The following OMA1 variants were observed in gnomAD, a reference collection of about 807,000 sequenced individuals.
OMA1 encodes the protein OMA1 zinc metallopeptidase, also known as metalloendopeptidase OMA1, mitochondrial.
Under a neutral mutation model 30.9 loss-of-function variants are expected in OMA1, and 38 were observed. The observed-to-expected ratio is 1.23, with a 90% CI of 0.95 to 1.61. The LOEUF is 1.61. Ranked by LOEUF, OMA1 falls within the 40% of genes most tolerant of loss-of-function variation. OMA1 has a pLI of 0.00. For synonymous variants in OMA1, 173 were observed against 121.9 expected (o/e 1.42, Z -2.76); for missense variants, 461 against 349.2 (o/e 1.32, Z -2.55).
At chr1:58,540,301 C>T (rs2100495537) in intron 1 of OMA1, among the ~76,000 whole-genome samples, 1 of 150,610 alleles carries the variant, frequency 6.6e-6, no homozygotes, top group African/African-American at 2.4e-5. Context: ...AAAATCTAAA[C>T]AGGTATTAGG....
chr1:58,531,512 T>C (rs1236680819), intron 5 of OMA1, among the ~76,000 whole-genome samples: 3 of 152,188 alleles, frequency 2.0e-5, no homozygotes, highest in Admixed American at 2.0e-4. Flanking sequence ...GATTAGTAAA[T>C]GTTAATGTTG....
At chr1:58,520,663 A>G (rs2100451335) in intron 7 of OMA1, among the ~76,000 whole-genome samples, 1 of 152,300 alleles carries the variant, frequency 6.6e-6, no homozygotes, top group Admixed American at 6.5e-5. Context: ...AGAAAGCTGA[A>G]ATAACAATAC....
chr1:58,500,925 CTCTT>C (rs1361143757), intron 8 of OMA1, among the ~76,000 whole-genome samples: 2 of 152,086 alleles, frequency 1.3e-5, no homozygotes, highest in Admixed American at 6.6e-5. Flanking sequence ...AATAAGGTGT[CTCTT>C]TCAACGACAA....
chr1:58,537,604 C>CAAA (rs977794543), intron 2 of OMA1, among the ~76,000 whole-genome samples: 7 of 152,120 alleles, frequency 4.6e-5, no homozygotes, highest in Non-Finnish European at 8.8e-5. Flanking sequence ...AATACTGGGA[C>CAAA]AAAAATTTTC....
chr1:58,539,104 A>T lies in OMA1; in HGVS notation c.191T>A (p.Leu64Gln), dbSNP rs1646563199. The T allele has an allele frequency of 1.1e-6, 1 of 872,988 alleles. No homozygotes were observed. Among genetic ancestry groups the T allele is most frequent in the South Asian group, 1.3e-5 (1 of 76,544 alleles). The allele number at this position is 872,988 out of a possible 1,614,324, so 54.1% of individuals were successfully genotyped here. The change falls in exon 2 of 9, where the codon CTG becomes CAG. Residue 64 changes from leucine to glutamine, a missense_variant. Transcript: ENST00000371226. Reference protein sequence around the residue: ...GVNQCDRWSFLPGNFHFYSTF... With the variant: ...GVNQCDRWSFQPGNFHFYSTF... The stretch of plus-strand genomic sequence containing the variant: ...ACTATAAAAATGAAAGTTTCCAGGC[A>T]GAAAACTCCACCTGTCACACTGATT...
chr1:58,505,077 C>G (rs949430751), intron 8 of OMA1, among the ~76,000 whole-genome samples: 1 of 152,112 alleles, frequency 6.6e-6, no homozygotes, highest in Non-Finnish European at 1.5e-5. Context: ...CTCAATCTCC[C>G]GAGTAGCTGG....
At chr1:58,494,327 C>T (rs1342987921) in intron 8 of OMA1, among the ~76,000 whole-genome samples, 3 of 151,966 alleles carry the variant, frequency 2.0e-5, no homozygotes, top group East Asian at 1.9e-4. Context: ...AGAAGAAAAC[C>T]TAGGCAATAC....
Position 58,480,907 on chromosome 1 carries a change from C to CTTTTT in OMA1, c.*57_*58insAAAAA. 1.4e-6 allele frequency: 1 copy of CTTTTT among 734,434 alleles called. No homozygotes were observed. The highest frequency in any genetic ancestry group is 2.6e-5 in the East Asian group (1 of 38,572). The allele number at this position is 734,434 out of a possible 1,614,324, so 45.5% of individuals were successfully genotyped here. A position where few individuals can be genotyped will look rare whatever the true frequency, so the allele number is the denominator to read the frequency against. On this transcript the variant is annotated 3_prime_UTR_variant, in exon 9 of 9. Coordinates refer to ENST00000371226, the MANE Select transcript of OMA1 (RefSeq NM_145243.5). ...TCAAACATCATTTTTTAAAAAGTAA[C>CTTTTT]ATAAAATGATAAGGACTGCAACATT...
rs17117608 is a variant in OMA1, at chr1:58,513,486, C to T, written c.1216-7277G>A. ...AACTTATTAAGCAACTGTAAGTACACGAAGAAAGAATTAGACTCTAGGTAA... is the reference window on the plus strand; with the variant it reads ...AACTTATTAAGCAACTGTAAGTACATGAAGAAAGAATTAGACTCTAGGTAA... On this transcript the variant is annotated intron_variant, in intron 7 of 8. Transcript: ENST00000371226. 7.8e-3 allele frequency among the ~76,000 whole-genome samples: 1,188 copies of T among 152,226 alleles called. 21 individuals are homozygous for T. Among genetic ancestry groups the T allele is most frequent in the African/African-American group, 0.027 (1,133 of 41,508 alleles).
chr1:58,521,014 T>C (rs1434707354), intron 7 of OMA1, among the ~76,000 whole-genome samples: 1 of 152,172 alleles, frequency 6.6e-6, no homozygotes, highest in Non-Finnish European at 1.5e-5. Context: ...CAAGTGCACG[T>C]CATTTTGACA....
chr1:58,481,204 C>CTA lies in OMA1; in HGVS notation c.1366-32_1366-31dup, dbSNP rs1358316200. ...AAAGAAATAATAAAATAAAAAAATACTATATATATACATCAATGTATTCAG... is the reference window on the plus strand; with the variant it reads ...AAAGAAATAATAAAATAAAAAAATACTATATATATATACATCAATGTATTCAG... On this transcript the variant is annotated intron_variant, in intron 8 of 8. Transcript: ENST00000371226. The CTA allele has an allele frequency of 8.4e-6, 6 of 715,160 alleles. No individual in the cohort carries two copies. The East Asian group carries it at 1.4e-4, about 17-fold the overall frequency. 44.3% of individuals were successfully genotyped at this position (715,160 alleles called of 1,614,324 possible).
At chr1:58,512,691 T>C (rs1333017190) in intron 7 of OMA1, among the ~76,000 whole-genome samples, 1 of 152,196 alleles carries the variant, frequency 6.6e-6, no homozygotes, top group Non-Finnish European at 1.5e-5. Context: ...GGTATGTATC[T>C]AAAGTAGCAA....
intron 8 of OMA1, among the ~76,000 whole-genome samples, chr1:58,503,257 C>T (rs139246538): frequency 3.5e-4 from 53 of 152,222 alleles, no homozygotes; most frequent in African/African-American, 1.2e-3. Flanking sequence ...CCCAGGCCTC[C>T]CAGGGTGCGA....
At chr1:58,493,117 C>CAAATCAAT (rs1457061560) in intron 8 of OMA1, among the ~76,000 whole-genome samples, 1 of 152,086 alleles carries the variant, frequency 6.6e-6, no homozygotes, top group Non-Finnish European at 1.5e-5. Flanking sequence ...TCAACATACG[C>CAAATCAAT]AAATCAATAA....
At position 58,480,910 on chromosome 1, in the gene OMA1, A is replaced by G. The variant is rs1645469094; in HGVS notation, c.*55T>C. 1.3e-6 allele frequency: 1 copy of G among 760,812 alleles called. No homozygotes were observed. The highest frequency in any genetic ancestry group is 2.2e-6 in the Non-Finnish European group (1 of 452,818). The allele number at this position is 760,812 out of a possible 1,614,324, so 47.1% of individuals were successfully genotyped here. A position where few individuals can be genotyped will look rare whatever the true frequency, so the allele number is the denominator to read the frequency against. On this transcript the variant is annotated 3_prime_UTR_variant, in exon 9 of 9. Transcript: ENST00000371226. ...AACATCATTTTTTAAAAAGTAACAT[A>G]AAATGATAAGGACTGCAACATTCTT...
intron 7 of OMA1, among the ~76,000 whole-genome samples, chr1:58,515,719 T>C (rs1000388369): frequency 2.6e-5 from 4 of 152,214 alleles, no homozygotes; most frequent in Non-Finnish European, 5.9e-5. Context: ...GATACTTTGC[T>C]GTGATGAAAG....
intron 8 of OMA1, among the ~76,000 whole-genome samples, chr1:58,499,258 G>A (rs1189248222): frequency 6.9e-6 from 1 of 143,976 alleles, no homozygotes; most frequent in African/African-American, 2.6e-5. Flanking sequence ...AGGAGGTGTT[G>A]GTCAAAAAGT....
chr1:58,496,586 A>T (rs535897648), intron 8 of OMA1, among the ~76,000 whole-genome samples: 1 of 152,234 alleles, frequency 6.6e-6, no homozygotes, highest in South Asian at 2.1e-4. Context: ...GCTATTGCTG[A>T]ATTTTGTTTA....
chr1:58,488,114 T>G (rs1486998415), intron 8 of OMA1, among the ~76,000 whole-genome samples: 1 of 152,194 alleles, frequency 6.6e-6, no homozygotes, highest in East Asian at 1.9e-4. Flanking sequence ...AAGTTTTCTT[T>G]AAATACAGAT....
Sources: allele counts gnomAD v4.1 joint callset (sites outside exome capture counted in the v4.1 genomes callset), GRCh38; gene constraint gnomAD v4.1.1; transcripts MANE v1.5; gene names NCBI Gene and HGNC (gene_info 2026-07-23, HGNC 2026-07-21).